Variants in RAP1A observed in about 807,000 individuals in gnomAD.
RAP1A encodes ras-related protein Rap-1A.
In RAP1A, 6 loss-of-function variants were observed where a neutral mutation model predicts 26.4. The observed-to-expected ratio is 0.23, with a 90% confidence interval of 0.12 to 0.45. RAP1A has a LOEUF of 0.45. Among genes scored for constraint, RAP1A ranks in the 20% least tolerant of loss-of-function variants. The pLI is 0.99. For synonymous variants in RAP1A, 73 were observed against 79.4 expected, an observed-to-expected ratio of 0.92 and a Z score of 0.43; for missense variants, 121 against 217.2, an observed-to-expected ratio of 0.56 and a Z score of 2.78.
At chr1:111,581,426 C>G (rs951481090) in intron 1 of RAP1A, among the ~76,000 whole-genome samples, 17 of 152,152 alleles carry the variant, frequency 1.1e-4, no homozygotes, top group South Asian at 6.2e-4. Context: ...ATCTGCTAGA[C>G]AGAGTCCAGG....
At chr1:111,591,099 T>C (rs1351805373) in intron 1 of RAP1A, among the ~76,000 whole-genome samples, 1 of 152,206 alleles carries the variant, frequency 6.6e-6, no homozygotes, top group African/African-American at 2.4e-5. Context: ...AGATTTTCTG[T>C]TTCTTCTTGA....
intron 1 of RAP1A, among the ~76,000 whole-genome samples, chr1:111,545,796 T>C (rs1467311081): frequency 2.6e-5 from 4 of 152,160 alleles, no homozygotes; most frequent in Non-Finnish European, 5.9e-5. Flanking sequence ...TTAATTTTTG[T>C]ATACAGTGTA....
At chr1:111,551,761 G>A (rs1657267709) in intron 1 of RAP1A, among the ~76,000 whole-genome samples, 1 of 30,210 alleles carries the variant, frequency 3.3e-5, no homozygotes, top group African/African-American at 4.6e-5. Flanking sequence ...GTTTTGTTTT[G>A]TTTTGTTTTT....
intron 1 of RAP1A, among the ~76,000 whole-genome samples, chr1:111,626,404 T>C (rs1053897220): frequency 1.7e-4 from 25 of 151,126 alleles, no homozygotes; most frequent in Middle Eastern, 3.4e-3. Context: ...CACACACATA[T>C]GCATGTATAT....
intron 1 of RAP1A, among the ~76,000 whole-genome samples, chr1:111,562,971 G>C (rs185219021): frequency 4.0e-4 from 61 of 152,284 alleles, no homozygotes; most frequent in African/African-American, 1.3e-3. Flanking sequence ...ACTTTAGATA[G>C]ATTATCTTTT....
chr1:111,617,011 C>T (rs1396172311), upstream of RAP1A, among the ~76,000 whole-genome samples: 3 of 152,094 alleles, frequency 2.0e-5, no homozygotes, highest in Non-Finnish European at 4.4e-5. Flanking sequence ...AAGGTCCATA[C>T]GTGTGTGTGT....
chr1:111,663,407 T>C (rs553633838), intron 1 of RAP1A, among the ~76,000 whole-genome samples: 41 of 152,340 alleles, frequency 2.7e-4, no homozygotes, highest in African/African-American at 9.1e-4. Flanking sequence ...GTGCTTTCCA[T>C]TCTTGTCTTG....
chr1:111,637,963 A>G (rs1447713459), intron 1 of RAP1A, among the ~76,000 whole-genome samples: 1 of 152,038 alleles, frequency 6.6e-6, no homozygotes, highest in Non-Finnish European at 1.5e-5. Flanking sequence ...TTTGGTGTAT[A>G]TGACTTAGAA....
rs1662445379 is a variant in RAP1A, at chr1:111,713,434, G to A, written c.*1033G>A. The A allele has an allele frequency of 6.6e-6, 1 of 152,104 alleles. No individual in the cohort carries two copies. Among genetic ancestry groups the A allele is most frequent in the Admixed American group, 6.5e-5 (1 of 15,268 alleles). The allele number at this position is 152,104 out of a possible 1,614,324, so 9.4% of individuals were successfully genotyped here. ...TATGTAAAAAGATAAGTTTAATACT[G>A]TATCAGGGTTTAACTTTTACTATTT... On this transcript the variant is annotated 3_prime_UTR_variant, in exon 8 of 8. Transcript: ENST00000369709.
chr1:111,613,030 G>T lies in RAP1A; in HGVS notation c.-28+70521G>T, dbSNP rs537415353. On this transcript the variant is annotated intron_variant, in intron 1 of 7. Coordinates refer to the RAP1A transcript ENST00000356415. ...TTTGTCCAAGGCTGAACAGCTAGTG[G>T]CAAAAGCTGCATTTAAAGCTATGTA... Among the ~76,000 whole-genome samples, 3 of 152,190 alleles carry T rather than the reference G, an allele frequency of 2.0e-5. No individual in the cohort carries two copies. In the East Asian group the frequency reaches 5.8e-4, roughly 29 times the overall value.
At chr1:111,695,291 A>T in intron 2 of RAP1A, 50 bp from the exon 3 acceptor site, 1 of 1,368,790 alleles carries the variant, frequency 7.3e-7, no homozygotes, top group Non-Finnish European at 1.0e-6. Flanking sequence ...AGTAACATTC[A>T]AAGGAGTTTT....
chr1:111,705,935 G>T (rs539425004), intron 6 of RAP1A, among the ~76,000 whole-genome samples: 1 of 152,286 alleles, frequency 6.6e-6, no homozygotes, highest in East Asian at 1.9e-4. Flanking sequence ...GTGGGGCTGG[G>T]TTGGGCCTGA....
intron 1 of RAP1A, among the ~76,000 whole-genome samples, chr1:111,640,569 A>C (rs1487915927): frequency 6.6e-6 from 1 of 152,222 alleles, no homozygotes; most frequent in African/African-American, 2.4e-5. Context: ...GTATTAAATA[A>C]TTGTTACTAG....
intron 7 of RAP1A, among the ~76,000 whole-genome samples, chr1:111,712,167 ATAAC>A (rs1212972462): frequency 8.5e-5 from 13 of 152,146 alleles, no homozygotes; most frequent in Admixed American, 6.5e-4. Flanking sequence ...ATAATTGAGT[ATAAC>A]TAAGTATAAC....
intron 1 of RAP1A, among the ~76,000 whole-genome samples, chr1:111,586,999 A>G (rs17028042): frequency 0.11 from 16,212 of 152,048 alleles, 1,057 homozygotes; most frequent in East Asian, 0.29. Context: ...AGAGGACTCA[A>G]TGTAACACAA....
chr1:111,704,224 G>T, intron 5 of RAP1A, 119 bp from the exon 6 acceptor site: 15 of 912,584 alleles, frequency 1.6e-5, no homozygotes, highest in East Asian at 6.9e-5. Context: ...AGTATTTGAT[G>T]AAGCTTGCGG....
intron 1 of RAP1A, among the ~76,000 whole-genome samples, chr1:111,578,361 A>G (rs539422992): frequency 4.3e-4 from 66 of 152,304 alleles, no homozygotes; most frequent in Middle Eastern, 6.8e-3. Flanking sequence ...GTCAACTCAC[A>G]GAGGGTCTTG....
intron 1 of RAP1A, among the ~76,000 whole-genome samples, chr1:111,558,948 A>G (rs1214930069): frequency 6.6e-6 from 1 of 152,212 alleles, no homozygotes; most frequent in Non-Finnish European, 1.5e-5. Flanking sequence ...TTTTATAAAA[A>G]TCAAGCATAT....
At chr1:111,618,983 T>A (rs146647744), upstream of RAP1A, among the ~76,000 whole-genome samples, 1 of 152,342 alleles carries the variant, frequency 6.6e-6, no homozygotes, top group African/African-American at 2.4e-5. Flanking sequence ...ATGAATCAGA[T>A]GCGGTCATTC....
Sources: gnomAD v4.1 joint callset for allele counts (sites outside exome capture counted in the v4.1 genomes callset) on GRCh38, gnomAD v4.1.1 for gene constraint, MANE v1.5 for transcripts, NCBI Gene and HGNC (gene_info 2026-07-23, HGNC 2026-07-21) for gene names.